AFF3: variants seen among roughly 807,000 people sequenced by gnomAD.
The protein encoded by AFF3 is ALF transcription elongation factor 3.
A neutral mutation model predicts 129.7 loss-of-function variants in AFF3; 32 were observed. That is an observed-to-expected ratio of 0.25 (90% CI 0.19 to 0.33). The LOEUF is 0.33. Ranked by LOEUF, AFF3 falls within the 10% of genes least tolerant of loss-of-function variation. The pLI is 1.00. For missense variants in AFF3, 1,373 were observed against 1,592.0 expected (o/e 0.86, Z 2.34); for synonymous variants, 644 against 635.4 (o/e 1.01, Z -0.20).
intron 8 of AFF3, among the ~76,000 whole-genome samples, chr2:99,811,821 C>T (rs576427478): frequency 1.3e-5 from 2 of 152,354 alleles, no homozygotes; most frequent in African/African-American, 2.4e-5. Context: ...AAGTCACACG[C>T]TTTATGTCTG....
At chr2:99,731,835 C>T (rs988153054) in intron 10 of AFF3, among the ~76,000 whole-genome samples, 1 of 152,212 alleles carries the variant, frequency 6.6e-6, no homozygotes, top group African/African-American at 2.4e-5. Flanking sequence ...TGTTCTACCA[C>T]GTCACAGGTT....
chr2:99,810,511 C>T lies in AFF3; in HGVS notation c.921+26966G>A, dbSNP rs977628021. On this transcript the variant is annotated intron_variant, in intron 8 of 24. Transcript: ENST00000672756. ...GGATTAGTACAAATACCTGGGCAAA[C>T]GTGCCACCCGCAGAAGCATTAGGTT... Among the ~76,000 whole-genome samples the T allele has an allele frequency of 3.9e-5, 6 of 152,334 alleles. No homozygotes were observed. The South Asian group carries it at 6.2e-4, about 16-fold the overall frequency.
intron 4 of AFF3, among the ~76,000 whole-genome samples, chr2:100,067,460 C>T (rs985546688): frequency 1.3e-5 from 2 of 152,128 alleles, no homozygotes; most frequent in African/African-American, 2.4e-5. Context: ...TCTGAGTGAT[C>T]AGTCTGTTCC....
intron 12 of AFF3, 136 bp from the exon 13 acceptor site, chr2:99,649,802 G>T: frequency 1.2e-6 from 1 of 837,142 alleles, no homozygotes; most frequent in Non-Finnish European, 2.0e-6. Context: ...GACTAGCAAT[G>T]AAGTAGAGAG....
Position 99,577,784 on chromosome 2 carries a change from T to C in AFF3, c.2918+543A>G, listed in dbSNP as rs150839767. Among the ~76,000 whole-genome samples, 1,259 of 152,340 alleles carry C rather than the reference T, an allele frequency of 8.3e-3. 9 individuals carry two copies. The highest frequency in any genetic ancestry group is 0.017 in the South Asian group (84 of 4,834). On this transcript the variant is annotated intron_variant, in intron 18 of 24. Coordinates refer to ENST00000672756, the MANE Select transcript of AFF3 (RefSeq NM_001386135.1). ...ATTCATCTTCTCCTCTTGTTTTTCC[T>C]CCTTTTAAAATGATGCTGGGAATGG... is the stretch of plus-strand genomic sequence containing the variant.
chr2:99,732,947 T>C (rs750159890), intron 10 of AFF3, among the ~76,000 whole-genome samples: 2 of 152,232 alleles, frequency 1.3e-5, no homozygotes, highest in Non-Finnish European at 2.9e-5. Context: ...ATGAGGTAAA[T>C]ATTTTGTACT....
chr2:99,870,230 C>A (rs1011990661), intron 7 of AFF3, among the ~76,000 whole-genome samples: 4 of 152,188 alleles, frequency 2.6e-5, no homozygotes, highest in African/African-American at 9.7e-5. Context: ...GCAGTTAGCA[C>A]CTTGTCACTG....
At chr2:99,948,448 G>T (rs1675839858) in intron 7 of AFF3, among the ~76,000 whole-genome samples, 1 of 152,128 alleles carries the variant, frequency 6.6e-6, no homozygotes. Flanking sequence ...GCCCTGGTTG[G>T]CTTTATATGC....
intron 7 of AFF3, among the ~76,000 whole-genome samples, chr2:99,978,734 T>C (rs1039523743): frequency 6.6e-6 from 1 of 152,192 alleles, no homozygotes; most frequent in Non-Finnish European, 1.5e-5. Context: ...CAGTTGAGAA[T>C]GGTGCCCTTA....
chr2:99,611,117 T>C (rs902903774), intron 13 of AFF3, among the ~76,000 whole-genome samples: 1 of 152,252 alleles, frequency 6.6e-6, no homozygotes, highest in Non-Finnish European at 1.5e-5. Flanking sequence ...ATTTTGGTTA[T>C]GGAATTTTTC....
intron 8 of AFF3, among the ~76,000 whole-genome samples, chr2:99,807,782 G>A (rs1306132339): frequency 6.6e-6 from 1 of 151,918 alleles, no homozygotes; most frequent in Admixed American, 6.6e-5. Context: ...GCCAGCCTGT[G>A]GAATTAGTCA....
chr2:99,597,838 T>C (rs894683272), intron 14 of AFF3, among the ~76,000 whole-genome samples: 1 of 152,334 alleles, frequency 6.6e-6, no homozygotes, highest in African/African-American at 2.4e-5. Flanking sequence ...TTTTCAGCCA[T>C]GACTCTCCTC....
chr2:100,046,950 G>A (rs1685884259), intron 4 of AFF3, among the ~76,000 whole-genome samples: 1 of 150,480 alleles, frequency 6.6e-6, no homozygotes, highest in South Asian at 2.1e-4. Context: ...ACAAATCTAT[G>A]ACTCCTCTTA....
At chr2:99,651,897 T>A (rs777643093) in intron 12 of AFF3, among the ~76,000 whole-genome samples, 32 of 152,184 alleles carry the variant, frequency 2.1e-4, no homozygotes, top group Non-Finnish European at 2.9e-4. Flanking sequence ...TTGGTGACAG[T>A]TCCACATCTT....
intron 7 of AFF3, among the ~76,000 whole-genome samples, chr2:99,967,452 C>A (rs1329148895): frequency 2.0e-5 from 3 of 152,192 alleles, no homozygotes; most frequent in African/African-American, 7.2e-5. Flanking sequence ...GGATTGGCAT[C>A]TTTCTCTATA....
At chr2:99,917,709 T>C (rs1239702964) in intron 7 of AFF3, among the ~76,000 whole-genome samples, 1 of 152,208 alleles carries the variant, frequency 6.6e-6, no homozygotes, top group African/African-American at 2.4e-5. Context: ...GATATTCTGA[T>C]AATAGTGATA....
chr2:99,823,562 G>A (rs1687847648), intron 8 of AFF3, among the ~76,000 whole-genome samples: 1 of 152,136 alleles, frequency 6.6e-6, no homozygotes. Flanking sequence ...CATTATAAGT[G>A]TAAAATAAGC....
At chr2:99,959,075 C>T (rs997747274) in intron 7 of AFF3, among the ~76,000 whole-genome samples, 56 of 151,650 alleles carry the variant, frequency 3.7e-4, no homozygotes, top group Admixed American at 3.1e-3. Context: ...CCAGTCTCGG[C>T]GACAGAGCGA....
intron 11 of AFF3, among the ~76,000 whole-genome samples, chr2:99,684,090 G>A (rs1367911278): frequency 2.0e-5 from 3 of 151,894 alleles, no homozygotes; most frequent in African/African-American, 4.8e-5. Context: ...AGAATGACCC[G>A]CTTTATGTTG....
Sources: gnomAD v4.1 joint callset for allele counts (sites outside exome capture counted in the v4.1 genomes callset) on GRCh38, gnomAD v4.1.1 for gene constraint, MANE v1.5 for transcripts, NCBI Gene and HGNC (gene_info 2026-07-23, HGNC 2026-07-21) for gene names.